Variants in MREG observed in about 807,000 individuals in gnomAD.
The protein encoded by MREG is dilute suppressor protein homolog.
In MREG, 31 loss-of-function variants were observed where a neutral mutation model predicts 28.5. The ratio of observed to expected loss-of-function variants is 1.09; its 90% CI spans 0.82 to 1.47. The LOEUF (loss-of-function observed/expected upper bound fraction) is 1.47. Ranked by LOEUF, MREG falls within the 40% of genes most tolerant of loss-of-function variation. MREG has a pLI of 0.00. For missense variants in MREG, 256 were observed against 257.4 expected, an observed-to-expected ratio of 0.99 and a Z score of 0.04; for synonymous variants, 106 against 95.2, an observed-to-expected ratio of 1.11 and a Z score of -0.66.
At chr2:215,956,826 C>A (rs953095812) in intron 2 of MREG, among the ~76,000 whole-genome samples, 3 of 152,154 alleles carry the variant, frequency 2.0e-5, no homozygotes, top group East Asian at 3.8e-4. Flanking sequence ...AGGGATGAGC[C>A]ACCATACATG....
chr2:215,965,928 C>T (rs1459150743), intron 2 of MREG, among the ~76,000 whole-genome samples: 1 of 152,150 alleles, frequency 6.6e-6, no homozygotes, highest in Non-Finnish European at 1.5e-5. Context: ...GGAGGAAAAA[C>T]CTTGTCTACT....
chr2:215,984,213 C>T (rs1157402158), intron 2 of MREG, among the ~76,000 whole-genome samples: 1 of 152,134 alleles, frequency 6.6e-6, no homozygotes, highest in African/African-American at 2.4e-5. Flanking sequence ...CACTTATTCA[C>T]TATCAAGAGA....
chr2:215,959,298 G>C (rs1241136591), intron 2 of MREG, among the ~76,000 whole-genome samples: 1 of 151,688 alleles, frequency 6.6e-6, no homozygotes. Context: ...ATGTGTCCAA[G>C]TGGACGGGCT....
intron 1 of MREG, among the ~76,000 whole-genome samples, chr2:216,029,248 G>A (rs925846874): frequency 6.6e-6 from 1 of 152,186 alleles, no homozygotes; most frequent in Admixed American, 6.5e-5. Flanking sequence ...GGGAGGCTGA[G>A]GCAGGCAGAT....
At chr2:216,033,990 C>T (rs1056822565), upstream of MREG, 4 of 152,108 alleles carry the variant, frequency 2.6e-5, no homozygotes, top group Non-Finnish European at 5.9e-5. Flanking sequence ...AGAATCTTCC[C>T]GCTGGTTGAT....
intron 2 of MREG, among the ~76,000 whole-genome samples, chr2:215,986,114 C>T (rs1019236809): frequency 6.6e-6 from 1 of 152,132 alleles, no homozygotes; most frequent in Non-Finnish European, 1.5e-5. Context: ...GTAGTCCTTG[C>T]TATAAACGTC....
In MREG at chr2:215,996,365, C is replaced by T. The variant is rs757448435; in HGVS notation, c.196G>A (p.Asp66Asn). ...ATCAAATTGTACAGGGTTCTGTCGT[C>T]GTCTGCCTCTGTGTGGGACACATCA... ...PHDVSHTEAD[D>N]DRTLYNLIVI... Residue 66 changes from aspartate (D) to asparagine (N), a missense_variant, in exon 2 of 5, where the codon GAC (aspartate) becomes AAC (asparagine). Asp to Asn is a conservative substitution (Grantham distance 23). Transcript: ENST00000263268. 40 of 1,613,878 alleles carry T rather than the reference C, an allele frequency of 2.5e-5. No homozygotes were observed. Among genetic ancestry groups the T allele is most frequent in the East Asian group, 6.7e-5 (3 of 44,896 alleles).
chr2:215,972,269 A>G (rs899351787), intron 2 of MREG, among the ~76,000 whole-genome samples: 1 of 152,234 alleles, frequency 6.6e-6, no homozygotes, highest in Non-Finnish European at 1.5e-5. Flanking sequence ...GCAAGAAAGC[A>G]CTGAACTGGC....
rs373377568 is a variant in MREG at position 215,943,447 on chromosome 2, C to T, written c.*1416G>A. 85 of 456,720 alleles carry T rather than the reference C, an allele frequency of 1.9e-4. 1 individual carries two copies. Among genetic ancestry groups the T allele is most frequent in the African/African-American group, 1.2e-3 (62 of 50,188 alleles). The allele number at this position is 456,720 out of a possible 1,614,324, so 28.3% of individuals were successfully genotyped here. The stretch of plus-strand genomic sequence containing the variant: ...TGCAAGTCTGCATGAGAGGTCCCCC[C>T]ACAGGTGCAGCTGCCAGCCAACGAA... On this transcript the variant is annotated 3_prime_UTR_variant, in exon 5 of 5. Coordinates refer to ENST00000263268, the MANE Select transcript of MREG (RefSeq NM_018000.3).
chr2:216,016,969 TA>T (rs766287663), upstream of MREG, among the ~76,000 whole-genome samples: 1 of 152,192 alleles, frequency 6.6e-6, no homozygotes, highest in African/African-American at 2.4e-5. Flanking sequence ...AATAGTCTTC[TA>T]AAAAATTGGA....
chr2:215,974,852 A>T (rs12612510), intron 2 of MREG, among the ~76,000 whole-genome samples: 28,216 of 106,698 alleles, frequency 0.26, 3,147 homozygotes, highest in East Asian at 0.46. Context: ...ACACACACAC[A>T]CTCTCTCTCT....
chr2:216,007,750 T>TTG (rs386392586), intron 1 of MREG, among the ~76,000 whole-genome samples: 2 of 150,556 alleles, frequency 1.3e-5, no homozygotes, highest in African/African-American at 4.9e-5. Flanking sequence ...GGCTTTTTTT[T>TTG]TGCATTTTTG....
At chr2:215,974,232 C>T (rs1424729003) in intron 2 of MREG, among the ~76,000 whole-genome samples, 2 of 152,086 alleles carry the variant, frequency 1.3e-5, no homozygotes, top group African/African-American at 2.4e-5. Context: ...GATTATGTAA[C>T]AACAAGTATC....
chr2:215,995,971 G>T (rs1256748591), intron 2 of MREG, among the ~76,000 whole-genome samples: 1 of 152,138 alleles, frequency 6.6e-6, no homozygotes, highest in African/African-American at 2.4e-5. Context: ...TCAAGTAAGT[G>T]TGGCTTACTA....
At chr2:216,025,321 G>C (rs550503181) in intron 1 of MREG, among the ~76,000 whole-genome samples, 1 of 152,212 alleles carries the variant, frequency 6.6e-6, no homozygotes, top group African/African-American at 2.4e-5. Context: ...AGACAGCCCA[G>C]TAGCTCAAAA....
intron 1 of MREG, among the ~76,000 whole-genome samples, chr2:216,019,229 T>A (rs1477011529): frequency 6.6e-6 from 1 of 152,194 alleles, no homozygotes; most frequent in Non-Finnish European, 1.5e-5. Flanking sequence ...TTAGAGTCTG[T>A]TGCTTTCAGA....
chr2:215,978,425 T>C (rs1450453482), intron 2 of MREG, among the ~76,000 whole-genome samples: 48 of 152,206 alleles, frequency 3.2e-4, no homozygotes, highest in Admixed American at 2.9e-3. Context: ...CAGAACCAGA[T>C]AGATTCACAG....
intron 1 of MREG, among the ~76,000 whole-genome samples, chr2:216,007,992 A>G (rs905161126): frequency 1.1e-4 from 16 of 152,162 alleles, no homozygotes; most frequent in African/African-American, 3.9e-4. Flanking sequence ...ATCGGCTCAC[A>G]GGAACCTAAC....
downstream of MREG, among the ~76,000 whole-genome samples, chr2:215,941,427 A>G (rs1177389334): frequency 2.6e-5 from 4 of 152,162 alleles, no homozygotes; most frequent in Non-Finnish European, 2.9e-5. Context: ...TCACTCCAAA[A>G]GGTGGACTGT....
Sources: allele counts gnomAD v4.1 joint callset (sites outside exome capture counted in the v4.1 genomes callset), GRCh38; gene constraint gnomAD v4.1.1; transcripts MANE v1.5; gene names NCBI Gene and HGNC (gene_info 2026-07-23, HGNC 2026-07-21).